CSTPP1: variants seen among roughly 807,000 people sequenced by gnomAD.
CSTPP1 encodes the protein centriolar satellite-associated tubulin polyglutamylase complex regulator 1, also known as UPF0705 protein C11orf49.
chr11:46,947,197 G>A, the CSTPP1 span, among the ~76,000 whole-genome samples: 1 of 152,144 alleles, frequency 6.6e-6, no homozygotes, highest in Non-Finnish European at 1.5e-5. Flanking sequence ...CAATTTTGGA[G>A]CATCTCAATG....
the CSTPP1 span, among the ~76,000 whole-genome samples, chr11:47,037,964 C>T: frequency 8.6e-6 from 1 of 116,062 alleles, no homozygotes; most frequent in African/African-American, 2.6e-5. Context: ...TAGGGGCGGC[C>T]GGGCAGAGGG....
At chr11:46,976,835 T>C in the CSTPP1 span, among the ~76,000 whole-genome samples, 1 of 152,176 alleles carries the variant, frequency 6.6e-6, no homozygotes, top group Admixed American at 6.5e-5. Context: ...CTACGAGAAG[T>C]TGACCCTCCC....
chr11:47,106,032 T>C, the CSTPP1 span, among the ~76,000 whole-genome samples: 34 of 152,214 alleles, frequency 2.2e-4, no homozygotes, highest in African/African-American at 8.2e-4. Context: ...TATGTGTGTG[T>C]ATGCATGACC....
the CSTPP1 span, among the ~76,000 whole-genome samples, chr11:47,131,467 A>C: frequency 1.3e-5 from 2 of 152,236 alleles, no homozygotes; most frequent in Non-Finnish European, 2.9e-5. Flanking sequence ...TTAGCCCTTG[A>C]ATATATTGGG....
the CSTPP1 span, among the ~76,000 whole-genome samples, chr11:47,098,791 T>A: frequency 6.6e-6 from 1 of 152,180 alleles, no homozygotes; most frequent in Admixed American, 6.5e-5. Flanking sequence ...TTCCATAAAT[T>A]TATAAAGCCA....
the CSTPP1 span, chr11:47,157,703 C>A: frequency 9.4e-7 from 1 of 1,060,694 alleles, no homozygotes; most frequent in South Asian, 1.4e-5. Context: ...TTGGGGCTCC[C>A]AAGGCAGGTC....
chr11:46,958,990 A>G, the CSTPP1 span, among the ~76,000 whole-genome samples: 2 of 152,206 alleles, frequency 1.3e-5, no homozygotes, highest in African/African-American at 4.8e-5. Flanking sequence ...CAGAAAGTCT[A>G]TCACAAACAC....
At chr11:47,104,091 T>C in the CSTPP1 span, among the ~76,000 whole-genome samples, 1 of 152,220 alleles carries the variant, frequency 6.6e-6, no homozygotes, top group Non-Finnish European at 1.5e-5. Flanking sequence ...TCTCCCTACT[T>C]ACCCATTTCA....
chr11:47,037,875 A>G, the CSTPP1 span, among the ~76,000 whole-genome samples: 4 of 127,436 alleles, frequency 3.1e-5, no homozygotes, highest in East Asian at 8.4e-4. Flanking sequence ...CATTGTCATC[A>G]TGGCCCCTTC....
chr11:47,083,906 A>G, the CSTPP1 span, among the ~76,000 whole-genome samples: 225 of 152,312 alleles, frequency 1.5e-3, 1 homozygote, highest in South Asian at 0.015. Context: ...TAAATCTTCT[A>G]GGAACATTTG....
the CSTPP1 span, among the ~76,000 whole-genome samples, chr11:46,960,021 C>T: frequency 6.6e-6 from 1 of 152,100 alleles, no homozygotes; most frequent in African/African-American, 2.4e-5. Context: ...CACATGCCAC[C>T]ATACCTGGCT....
At chr11:47,007,961 T>G in the CSTPP1 span, among the ~76,000 whole-genome samples, 1 of 152,008 alleles carries the variant, frequency 6.6e-6, no homozygotes, top group Non-Finnish European at 1.5e-5. Context: ...GGTCCTGAAC[T>G]CTATTTTTTT....
At chr11:47,060,165 A>C in the CSTPP1 span, among the ~76,000 whole-genome samples, 1 of 151,148 alleles carries the variant, frequency 6.6e-6, no homozygotes, top group African/African-American at 2.4e-5. Context: ...TAAGTAACTC[A>C]CACAAGGCCA....
the CSTPP1 span, among the ~76,000 whole-genome samples, chr11:47,152,576 G>A: frequency 2.6e-5 from 4 of 152,286 alleles, 1 homozygote; most frequent in East Asian, 5.8e-4. Context: ...TCTGCTCCGA[G>A]GCAGGCTCTG....
At chr11:47,059,968 G>A in the CSTPP1 span, among the ~76,000 whole-genome samples, 1 of 151,908 alleles carries the variant, frequency 6.6e-6, no homozygotes, top group African/African-American at 2.4e-5. Flanking sequence ...GCTGGGTGTG[G>A]TGGTGCATGC....
At chr11:47,062,816 A>G in the CSTPP1 span, among the ~76,000 whole-genome samples, 1 of 152,224 alleles carries the variant, frequency 6.6e-6, no homozygotes, top group Non-Finnish European at 1.5e-5. Flanking sequence ...TTAGATGCCA[A>G]TGTTTCACAT....
At chr11:47,007,005 T>G in the CSTPP1 span, among the ~76,000 whole-genome samples, 2 of 136,938 alleles carry the variant, frequency 1.5e-5, no homozygotes, top group African/African-American at 2.7e-5. Flanking sequence ...TGTGTGGTTT[T>G]TTTTTTTTTT....
the CSTPP1 span, among the ~76,000 whole-genome samples, chr11:46,960,015 T>C: frequency 6.6e-6 from 1 of 152,058 alleles, no homozygotes; most frequent in East Asian, 1.9e-4. Context: ...TACAGGCACA[T>C]GCCACCATAC....
chr11:47,004,526 G>A, the CSTPP1 span: 1 of 151,946 alleles, frequency 6.6e-6, no homozygotes, highest in Non-Finnish European at 1.5e-5. Context: ...TTTTGTGTAC[G>A]TTTTTGGAGA....
Sources: allele counts gnomAD v4.1 joint callset (sites outside exome capture counted in the v4.1 genomes callset), GRCh38; gene constraint gnomAD v4.1.1; transcripts MANE v1.5; gene names NCBI Gene and HGNC (gene_info 2026-07-23, HGNC 2026-07-21).